The following ERMP1 variants were observed in gnomAD, a reference collection of about 807,000 sequenced individuals.
ERMP1 encodes Felix-ina.
A neutral mutation model predicts 92.0 loss-of-function variants in ERMP1; 86 were observed. That is an observed-to-expected ratio of 0.93 (90% CI 0.79 to 1.12). The LOEUF (loss-of-function observed/expected upper bound fraction) is 1.12, where lower values mean the gene tolerates loss of function less well. Among genes scored for constraint, ERMP1 ranks in the 50% most tolerant of loss-of-function variants. ERMP1 has a pLI of 0.00. For synonymous variants in ERMP1, 530 were observed against 412.8 expected, an observed-to-expected ratio of 1.28 and a Z score of -3.44; for missense variants, 1,342 against 1,116.3, an observed-to-expected ratio of 1.20 and a Z score of -2.88.
intron 10 of ERMP1, among the ~76,000 whole-genome samples, chr9:5,803,019 C>T (rs903198472): frequency 6.7e-6 from 1 of 150,338 alleles, no homozygotes; most frequent in African/African-American, 2.4e-5. Context: ...AGTGACAGAG[C>T]GAGACTCTGT....
chr9:5,794,683 C>G (rs1036540273), intron 13 of ERMP1, among the ~76,000 whole-genome samples: 4 of 152,100 alleles, frequency 2.6e-5, no homozygotes, highest in Non-Finnish European at 4.4e-5. Context: ...ACACAATCTG[C>G]CAAAGTTCAC....
chr9:5,799,503 TGAA>T (rs1329394157), intron 11 of ERMP1, among the ~76,000 whole-genome samples: 1 of 151,920 alleles, frequency 6.6e-6, no homozygotes, highest in African/African-American at 2.4e-5. Flanking sequence ...GAAACCAGCC[TGAA>T]GAATACCAAT....
intron 6 of ERMP1, among the ~76,000 whole-genome samples, chr9:5,842,904 T>A (rs925578582): frequency 1.3e-5 from 2 of 152,264 alleles, no homozygotes; most frequent in Admixed American, 6.5e-5. Context: ...GCCTAAAGTT[T>A]TAAAAGCCTT....
At chr9:5,842,308 T>C (rs1830175073) in intron 6 of ERMP1, among the ~76,000 whole-genome samples, 1 of 151,932 alleles carries the variant, frequency 6.6e-6, no homozygotes, top group Non-Finnish European at 1.5e-5. Context: ...AGAGCACTGG[T>C]TGGTGTGTTT....
In ERMP1 at chr9:5,812,858, GC is replaced by G. The variant is rs1829153689; in HGVS notation, c.1021+30del. 3 of 1,612,846 alleles carry G rather than the reference GC, an allele frequency of 1.9e-6. No individual in the cohort carries two copies. In the African/African-American group the frequency reaches 4.0e-5, roughly 22 times the overall value. ...AATTTGCTTTTGATAAATAAATGCT[GC>G]ACAGTAGGCCGTAACCATTGACAAT... On this transcript the variant is annotated intron_variant, in intron 5 of 14. Coordinates refer to ENST00000339450, the MANE Select transcript of ERMP1 (RefSeq NM_024896.3).
chr9:5,811,609 T>G (rs1385407219), intron 6 of ERMP1, among the ~76,000 whole-genome samples: 1 of 152,212 alleles, frequency 6.6e-6, no homozygotes, highest in South Asian at 2.1e-4. Flanking sequence ...TCCCTTCTAT[T>G]AGAACTATTC....
At chr9:5,857,584 G>A (rs544796710) in intron 6 of ERMP1, among the ~76,000 whole-genome samples, 9 of 152,090 alleles carry the variant, frequency 5.9e-5, no homozygotes, top group Non-Finnish European at 1.3e-4. Context: ...ATAATCTATT[G>A]GTACATCCCA....
intron 2 of ERMP1, among the ~76,000 whole-genome samples, chr9:5,830,178 T>A (rs1358559773): frequency 6.6e-6 from 1 of 152,158 alleles, no homozygotes. Context: ...TTGTAAACTT[T>A]CTTAAAACAT....
chr9:5,831,220 C>T (rs774989847), intron 1 of ERMP1, among the ~76,000 whole-genome samples, 192 bp from the exon 2 acceptor site: 3 of 152,128 alleles, frequency 2.0e-5, no homozygotes, highest in South Asian at 4.1e-4. Flanking sequence ...ATTGTTGCCT[C>T]CCACGAGTTG....
chr9:5,786,559 A>C lies in ERMP1; in HGVS notation c.*585T>G, dbSNP rs1827942655. 6.5e-6 allele frequency: 1 copy of C among 154,468 alleles called. No homozygotes were observed. Among genetic ancestry groups the C allele is most frequent in the East Asian group, 1.9e-4 (1 of 5,236 alleles). The allele number at this position is 154,468 out of a possible 1,614,324, so 9.6% of individuals were successfully genotyped here. A position where few individuals can be genotyped will look rare whatever the true frequency, so the allele number is the denominator to read the frequency against. ...CAGCTCAGCACAGGGTCCAGGCCTC[A>C]GCACAGAGAGACAAAGCACATTTGA... is the stretch of plus-strand genomic sequence containing the variant. On this transcript the variant is annotated 3_prime_UTR_variant, in exon 15 of 15. Transcript: ENST00000339450.
chr9:5,816,745 T>A (rs150722802), intron 4 of ERMP1, among the ~76,000 whole-genome samples: 2 of 152,298 alleles, frequency 1.3e-5, no homozygotes, highest in South Asian at 2.1e-4. Flanking sequence ...TGTTGTAGAA[T>A]TGACTAGTGT....
chr9:5,860,634 T>TGGG (rs139961611), intron 5 of ERMP1, among the ~76,000 whole-genome samples: 1 of 148,118 alleles, frequency 6.8e-6, no homozygotes, highest in South Asian at 2.1e-4. Flanking sequence ...TTTGTAGAGA[T>TGGG]CGGGGGGTCT....
At chr9:5,788,129 T>C (rs190791112) in intron 13 of ERMP1, among the ~76,000 whole-genome samples, 1 of 152,286 alleles carries the variant, frequency 6.6e-6, no homozygotes, top group East Asian at 1.9e-4. Flanking sequence ...AAACTAAAAC[T>C]AAAATAGATA....
chr9:5,811,030 G>A, intron 7 of ERMP1, 81 bp downstream of exon 7: 1 of 910,010 alleles, frequency 1.1e-6, no homozygotes, highest in Non-Finnish European at 1.7e-6. Flanking sequence ...TTTCTGGGAA[G>A]ATATAAACAA....
upstream of ERMP1, among the ~76,000 whole-genome samples, chr9:5,836,198 C>A (rs575790577): frequency 5.9e-5 from 9 of 152,350 alleles, no homozygotes; most frequent in Admixed American, 5.9e-4. Flanking sequence ...TGTCAGGATT[C>A]AGGTGAACTG....
chr9:5,863,289 G>A (rs563653267), intron 5 of ERMP1, among the ~76,000 whole-genome samples: 1 of 152,204 alleles, frequency 6.6e-6, no homozygotes, highest in Non-Finnish European at 1.5e-5. Flanking sequence ...TTTCTGCAAT[G>A]TTGCCAATGA....
intron 6 of ERMP1, among the ~76,000 whole-genome samples, chr9:5,845,875 G>T (rs1162910304): frequency 6.6e-6 from 1 of 152,198 alleles, no homozygotes; most frequent in Non-Finnish European, 1.5e-5. Context: ...GGAAGTTCCA[G>T]GAGGGAGGCA....
chr9:5,866,679 T>C (rs1015517880), intron 5 of ERMP1, among the ~76,000 whole-genome samples: 1 of 152,202 alleles, frequency 6.6e-6, no homozygotes, highest in Admixed American at 6.5e-5. Flanking sequence ...AAACCCAAAG[T>C]ACTTGATTTG....
chr9:5,845,570 C>T (rs576233349), intron 6 of ERMP1, among the ~76,000 whole-genome samples: 1 of 152,098 alleles, frequency 6.6e-6, no homozygotes, highest in Admixed American at 6.5e-5. Context: ...TTCTTCCAGC[C>T]TGTGGATTAA....
Sources: gnomAD v4.1 joint callset for allele counts (sites outside exome capture counted in the v4.1 genomes callset) on GRCh38, gnomAD v4.1.1 for gene constraint, MANE v1.5 for transcripts, NCBI Gene and HGNC (gene_info 2026-07-23, HGNC 2026-07-21) for gene names.